PREP: variants seen among roughly 807,000 people sequenced by gnomAD.
The protein encoded by PREP is prolyl endopeptidase.
Under a neutral mutation model 87.6 loss-of-function variants are expected in PREP, and 29 were observed. The ratio of observed to expected loss-of-function variants is 0.33; its 90% CI spans 0.25 to 0.45. The LOEUF is 0.45. Among genes scored for constraint, PREP ranks in the 20% least tolerant of loss-of-function variants. The pLI is 1.00. For synonymous variants in PREP, 337 were observed against 328.6 expected, an observed-to-expected ratio of 1.03 and a Z score of -0.28; for missense variants, 695 against 886.5, an observed-to-expected ratio of 0.78 and a Z score of 2.74.
chr6:105,358,161 TAAAAATCTACCA>T, intron 6 of PREP, among the ~76,000 whole-genome samples: 1 of 151,986 alleles, frequency 6.6e-6, no homozygotes, highest in Non-Finnish European at 1.5e-5. Context: ...CTTAACTTCA[TAAAAATCTACCA>T]TTTATGTAAA....
At chr6:105,375,980 T>G (rs1772676328) in intron 4 of PREP, 145 bp downstream of exon 4, 1 of 937,844 alleles carries the variant, frequency 1.1e-6, no homozygotes, top group East Asian at 2.8e-5. Flanking sequence ...GTGCAAAAAT[T>G]AGCTTTCCTG....
intron 4 of PREP, among the ~76,000 whole-genome samples, chr6:105,374,632 TTATATATATATATATATATATA>T (rs61452752): frequency 0.069 from 6,299 of 91,108 alleles, 324 homozygotes; most frequent in Non-Finnish European, 0.091. Context: ...TTTGAATTGT[TTATATATATATATATATATATA>T]TATATATATA....
intron 6 of PREP, among the ~76,000 whole-genome samples, chr6:105,356,561 A>G (rs1259991633): frequency 6.6e-6 from 1 of 152,206 alleles, no homozygotes; most frequent in Non-Finnish European, 1.5e-5. Flanking sequence ...CAGTGGCTTC[A>G]GTCTCCCTGA....
intron 6 of PREP, among the ~76,000 whole-genome samples, chr6:105,355,493 T>C (rs956238746): frequency 2.6e-5 from 4 of 152,242 alleles, no homozygotes; most frequent in Non-Finnish European, 5.9e-5. Context: ...TTTCCCTATA[T>C]GCAATATGTG....
At chr6:105,314,332 T>G (rs887813189) in intron 10 of PREP, among the ~76,000 whole-genome samples, 4 of 152,204 alleles carry the variant, frequency 2.6e-5, no homozygotes, top group African/African-American at 9.7e-5. Flanking sequence ...ACTGGTTGAC[T>G]CCTCCTTTCA....
At chr6:105,349,673 G>A (rs1479932796) in intron 7 of PREP, among the ~76,000 whole-genome samples, 1 of 151,866 alleles carries the variant, frequency 6.6e-6, no homozygotes, top group African/African-American at 2.4e-5. Context: ...GGCTTTAAGG[G>A]AAAACAGCTT....
intron 10 of PREP, among the ~76,000 whole-genome samples, chr6:105,306,829 C>T (rs1770667201): frequency 6.8e-6 from 1 of 147,862 alleles, no homozygotes; most frequent in Admixed American, 6.9e-5. Context: ...AGGTAGATGG[C>T]CTGATACGAA....
intron 5 of PREP, among the ~76,000 whole-genome samples, chr6:105,371,295 G>A (rs565145183): frequency 4.6e-5 from 7 of 152,202 alleles, no homozygotes; most frequent in African/African-American, 1.4e-4. Context: ...ACAAGGTCAG[G>A]AGTTCAAGAC....
intron 4 of PREP, 56 bp from the exon 5 acceptor site, chr6:105,373,634 C>T (rs2114709229): frequency 6.7e-7 from 1 of 1,490,678 alleles, no homozygotes; most frequent in Non-Finnish European, 9.3e-7. Context: ...ACTCCACGGT[C>T]CTTTATGCCA....
chr6:105,383,808 A>C (rs1772914734), intron 2 of PREP, among the ~76,000 whole-genome samples: 1 of 152,142 alleles, frequency 6.6e-6, no homozygotes, highest in South Asian at 2.1e-4. Flanking sequence ...GAAAACTGAA[A>C]TTTTAACCCC....
chr6:105,346,181 T>C (rs1051823350), intron 7 of PREP, among the ~76,000 whole-genome samples: 3 of 152,184 alleles, frequency 2.0e-5, no homozygotes, highest in Non-Finnish European at 4.4e-5. Context: ...TCAGATGACT[T>C]TGCTAAGCTT....
At chr6:105,402,788 G>T in intron 1 of PREP, 59 bp downstream of exon 1, 1 of 1,462,162 alleles carries the variant, frequency 6.8e-7, no homozygotes. Flanking sequence ...GGTGCCACGG[G>T]TCAGGCAGGC....
At chr6:105,286,817 G>C (rs1430389201) in intron 11 of PREP, among the ~76,000 whole-genome samples, 1 of 4,602 alleles carries the variant, frequency 2.2e-4, no homozygotes, top group African/African-American at 5.3e-4. Context: ...GGTCTCTCCT[G>C]AGACTACTAT....
chr6:105,288,741 G>A lies in PREP; in HGVS notation c.1454+17C>T. On this transcript the variant is annotated intron_variant, in intron 11 of 14. Transcript: ENST00000652536. Reference sequence around the variant, plus strand: ...AAAAGATAAAATACTGGCACTCTGAGTGCGTTCCGAGCTCACCTGTAGTTG... The same window carrying A: ...AAAAGATAAAATACTGGCACTCTGAATGCGTTCCGAGCTCACCTGTAGTTG... The A allele has an allele frequency of 6.2e-7, 1 of 1,613,094 alleles. No homozygotes were observed. Among genetic ancestry groups the A allele is most frequent in the Non-Finnish European group, 8.5e-7 (1 of 1,179,574 alleles).
At chr6:105,358,625 T>G (rs1772163783) in intron 6 of PREP, among the ~76,000 whole-genome samples, 1 of 152,118 alleles carries the variant, frequency 6.6e-6, no homozygotes, top group South Asian at 2.1e-4. Flanking sequence ...ATGCTTCTTC[T>G]CTGGTGGCTG....
At chr6:105,385,130 G>A (rs1162652518) in intron 2 of PREP, among the ~76,000 whole-genome samples, 1 of 152,070 alleles carries the variant, frequency 6.6e-6, no homozygotes, top group Non-Finnish European at 1.5e-5. Context: ...GCTGGCTGGG[G>A]ATGACTGAGC....
intron 10 of PREP, among the ~76,000 whole-genome samples, chr6:105,313,862 A>G (rs1770807932): frequency 6.6e-6 from 1 of 152,248 alleles, no homozygotes; most frequent in Admixed American, 6.5e-5. Flanking sequence ...CAAAAGCAAA[A>G]GAGTAAATAA....
chr6:105,298,949 A>C (rs1486920784), intron 10 of PREP: 1 of 152,122 alleles, frequency 6.6e-6, no homozygotes, highest in Non-Finnish European at 1.5e-5. Context: ...AAACCAAAAA[A>C]CCTTAAATTC....
Position 105,402,957 on chromosome 6 carries a change from G to C in PREP, c.-66C>G. ...TCCGGGAGCGGACCTGAGCTAGCCGGGCTGGCCGCGAGGCGCGGCTGGGGC... is the reference window on the plus strand; with the variant it reads ...TCCGGGAGCGGACCTGAGCTAGCCGCGCTGGCCGCGAGGCGCGGCTGGGGC... On this transcript the variant is annotated 5_prime_UTR_variant, in exon 1 of 15. Coordinates refer to ENST00000652536, the MANE Select transcript of PREP (RefSeq NM_002726.5). 1.0e-6 allele frequency: 1 copy of C among 964,852 alleles called. No individual in the cohort carries two copies. Among genetic ancestry groups the C allele is most frequent in the South Asian group, 2.9e-5 (1 of 34,088 alleles). The allele number at this position is 964,852 out of a possible 1,614,324, so 59.8% of individuals were successfully genotyped here.
Sources: allele counts gnomAD v4.1 joint callset (sites outside exome capture counted in the v4.1 genomes callset), GRCh38; gene constraint gnomAD v4.1.1; transcripts MANE v1.5; gene names NCBI Gene and HGNC (gene_info 2026-07-23, HGNC 2026-07-21).